The following EXT2 variants were observed in gnomAD, a reference collection of about 807,000 sequenced individuals.
The protein encoded by EXT2 is exostosin-2.
In EXT2, 53 loss-of-function variants were observed where a neutral mutation model predicts 81.6. The ratio of observed to expected loss-of-function variants is 0.65; its 90% CI spans 0.52 to 0.82. The LOEUF is 0.82. Ranked by LOEUF, EXT2 falls within the 40% of genes least tolerant of loss-of-function variation. EXT2 has a pLI of 0.00. For synonymous variants in EXT2, 320 were observed against 340.0 expected (o/e 0.94, Z 0.65); for missense variants, 774 against 910.2 (o/e 0.85, Z 1.93).
chr11:44,165,922 TG>T (rs570495349), intron 7 of EXT2, among the ~76,000 whole-genome samples: 103 of 152,300 alleles, frequency 6.8e-4, no homozygotes, highest in African/African-American at 2.3e-3. Context: ...GTCATGGATT[TG>T]GATTGTGATT....
chr11:44,108,092 C>A lies in EXT2; in HGVS notation c.380C>A (p.Ser127Tyr). ...GGCGTCTCTGTCAGCAACACCATCT[C>A]CCGGGAGTATAATGAACTGCTCATG... Reference protein sequence around the residue: ...DFGVSVSNTISREYNELLMAI... With the variant: ...DFGVSVSNTIYREYNELLMAI... The change falls in exon 2 of 14, where the codon TCC (serine) becomes TAC (tyrosine). Residue 127 changes from serine to tyrosine, a missense_variant. Ser to Tyr is a moderately radical substitution (Grantham distance 144). Around this residue, in one of 2 missense-constraint regions of EXT2, gnomAD observed 626 missense variants for 670.5 expected, o/e 0.93. Coordinates refer to ENST00000533608, the MANE Select transcript of EXT2 (RefSeq NM_207122.2). The A allele has an allele frequency of 6.2e-7, 1 of 1,614,202 alleles. No individual in the cohort carries two copies. Among genetic ancestry groups the A allele is most frequent in the East Asian group, 2.2e-5 (1 of 44,884 alleles).
chr11:44,230,688 A>C (rs1445364992), intron 10 of EXT2, among the ~76,000 whole-genome samples: 1 of 152,232 alleles, frequency 6.6e-6, no homozygotes, highest in Non-Finnish European at 1.5e-5. Context: ...GAAGCTAGGA[A>C]GAGGCAAGGA....
At chr11:44,238,797 G>C (rs528699302) in intron 13 of EXT2, among the ~76,000 whole-genome samples, 1 of 152,198 alleles carries the variant, frequency 6.6e-6, no homozygotes, top group African/African-American at 2.4e-5. Flanking sequence ...TGAATGGTTT[G>C]TCAAGGGTGC....
intron 8 of EXT2, among the ~76,000 whole-genome samples, chr11:44,190,608 G>A (rs1347679691): frequency 6.6e-6 from 1 of 152,224 alleles, no homozygotes; most frequent in Admixed American, 6.5e-5. Context: ...ATGTGATGAG[G>A]AATAGTAATT....
chr11:44,187,446 C>T (rs1360922225), intron 8 of EXT2, among the ~76,000 whole-genome samples: 3 of 152,008 alleles, frequency 2.0e-5, no homozygotes, highest in Admixed American at 2.0e-4. Flanking sequence ...AATCCTCCCA[C>T]CCTGGCAAGT....
In EXT2 at chr11:44,246,368, A is replaced by G. The variant is rs748119065; in HGVS notation, c.*2081A>G. ...GGTTTCTAATGCAGCTTCTCTCCCAAAGGGTACATTTTTAAATTTTTATTT... is the reference window on the plus strand; with the variant it reads ...GGTTTCTAATGCAGCTTCTCTCCCAGAGGGTACATTTTTAAATTTTTATTT... On this transcript the variant is annotated 3_prime_UTR_variant, in exon 14 of 14. Coordinates refer to ENST00000533608, the MANE Select transcript of EXT2 (RefSeq NM_207122.2). Among the ~76,000 whole-genome samples the G allele has an allele frequency of 2.6e-5, 4 of 152,132 alleles. No homozygotes were observed. The highest frequency in any genetic ancestry group is 5.9e-5 in the Non-Finnish European group (4 of 68,028).
intron 7 of EXT2, among the ~76,000 whole-genome samples, chr11:44,140,818 A>G (rs1232411884): frequency 6.6e-6 from 1 of 152,214 alleles, no homozygotes; most frequent in Admixed American, 6.5e-5. Flanking sequence ...TACTCTGTAT[A>G]CAGCTTTTTG....
chr11:44,196,816 T>C (rs575076556), intron 8 of EXT2, among the ~76,000 whole-genome samples: 1 of 152,354 alleles, frequency 6.6e-6, no homozygotes, highest in East Asian at 1.9e-4. Flanking sequence ...CTGTTACTTC[T>C]AAGTTCCTTT....
chr11:44,207,037 T>C, intron 10 of EXT2, 78 bp downstream of exon 10: 1 of 1,471,996 alleles, frequency 6.8e-7, no homozygotes. Flanking sequence ...AAAAAGAGTA[T>C]TATATTTCCT....
At chr11:44,096,412 CG>C (rs2134933845) in intron 1 of EXT2, 2 of 1,323,238 alleles carry the variant, frequency 1.5e-6, no homozygotes, top group East Asian at 2.5e-5. Context: ...ACTAGATGGC[CG>C]GGGGCGTGTT....
intron 7 of EXT2, among the ~76,000 whole-genome samples, chr11:44,137,029 A>T (rs1031104181): frequency 9.9e-5 from 15 of 151,786 alleles, no homozygotes; most frequent in African/African-American, 3.6e-4. Context: ...TTTTCCTAGT[A>T]TGTATATCCC....
At chr11:44,144,896 T>A (rs1386037259) in intron 7 of EXT2, among the ~76,000 whole-genome samples, 2 of 152,156 alleles carry the variant, frequency 1.3e-5, no homozygotes, top group African/African-American at 2.4e-5. Context: ...GGCAAAAGCA[T>A]GCAAATCACA....
intron 2 of EXT2, 104 bp from the exon 3 acceptor site, chr11:44,109,090 C>T: frequency 1.7e-6 from 2 of 1,183,314 alleles, no homozygotes; most frequent in Non-Finnish European, 2.5e-6. Flanking sequence ...TGAGAAGCGG[C>T]CCTATTTGGG....
At chr11:44,123,873 C>T (rs1011475130) in intron 4 of EXT2, among the ~76,000 whole-genome samples, 1 of 151,118 alleles carries the variant, frequency 6.6e-6, no homozygotes, top group African/African-American at 2.4e-5. Flanking sequence ...CTTTGTGTTT[C>T]CATATCTGTC....
At chr11:44,096,059 TC>T in intron 1 of EXT2, 1 of 657,156 alleles carries the variant, frequency 1.5e-6, no homozygotes, top group Non-Finnish European at 2.8e-6. Context: ...CGATTTCCAC[TC>T]CTGCTTCTCC....
At chr11:44,226,097 C>CT (rs1462077093) in intron 10 of EXT2, among the ~76,000 whole-genome samples, 1 of 152,194 alleles carries the variant, frequency 6.6e-6, no homozygotes, top group African/African-American at 2.4e-5. Flanking sequence ...CCCAGTCTGT[C>CT]TCTTTGCCAT....
chr11:44,184,374 A>T (rs1467515683), intron 8 of EXT2, among the ~76,000 whole-genome samples: 1 of 152,214 alleles, frequency 6.6e-6, no homozygotes, highest in African/African-American at 2.4e-5. Flanking sequence ...TTTTTCTTAA[A>T]GTAAGTGCTC....
At chr11:44,214,970 G>T (rs1955700238) in intron 10 of EXT2, among the ~76,000 whole-genome samples, 1 of 151,796 alleles carries the variant, frequency 6.6e-6, no homozygotes, top group African/African-American at 2.4e-5. Flanking sequence ...ATGTTGTTGT[G>T]GGCTGATCTT....
intron 3 of EXT2, among the ~76,000 whole-genome samples, chr11:44,112,341 C>T (rs768262059): frequency 6.6e-6 from 1 of 152,228 alleles, no homozygotes; most frequent in Non-Finnish European, 1.5e-5. Flanking sequence ...GATTATAATA[C>T]TTGGCCTGAC....
Sources: gnomAD v4.1 joint callset for allele counts (sites outside exome capture counted in the v4.1 genomes callset) on GRCh38, gnomAD v4.1.1 for gene constraint, gnomAD v4.1.1 regional missense constraint, MANE v1.5 for transcripts, NCBI Gene and HGNC (gene_info 2026-07-23, HGNC 2026-07-21) for gene names.